Variants in NFATC3 observed in about 807,000 individuals in gnomAD.
NFATC3 encodes the protein nuclear factor of activated T cells 3, also known as nuclear factor of activated T-cells, cytoplasmic 3.
Under a neutral mutation model 98.6 loss-of-function variants are expected in NFATC3, and 46 were observed. The ratio of observed to expected loss-of-function variants is 0.47; its 90% confidence interval spans 0.37 to 0.60. The LOEUF is 0.60. Among genes scored for constraint, NFATC3 ranks in the 20% least tolerant of loss-of-function variants. NFATC3 has a pLI of 0.00. For synonymous variants in NFATC3, 512 were observed against 472.2 expected (o/e 1.08, Z -1.09); for missense variants, 1,256 against 1,295.5 (o/e 0.97, Z 0.47).
chr16:68,142,348 A>C (rs575168866), intron 3 of NFATC3, among the ~76,000 whole-genome samples: 1 of 152,246 alleles, frequency 6.6e-6, no homozygotes, highest in South Asian at 2.1e-4. Flanking sequence ...CTATTGTAAA[A>C]GGGATTGAGT....
At chr16:68,135,457 C>CAAA (rs60331468) in intron 3 of NFATC3, among the ~76,000 whole-genome samples, 2 of 78,722 alleles carry the variant, frequency 2.5e-5, no homozygotes, top group Non-Finnish European at 4.8e-5. Context: ...GACTCCGTCT[C>CAAA]AAAAAAAAAA....
chr16:68,215,870 A>C (rs928171927), intron 9 of NFATC3, among the ~76,000 whole-genome samples: 3 of 151,630 alleles, frequency 2.0e-5, no homozygotes, highest in Non-Finnish European at 4.4e-5. Flanking sequence ...TGGGACTACA[A>C]GGCGCCTGCC....
intron 5 of NFATC3, among the ~76,000 whole-genome samples, chr16:68,167,810 C>CTTTTTTATTTTTTTTTTTTTT (rs2039271888): frequency 4.2e-5 from 1 of 23,898 alleles, no homozygotes; most frequent in African/African-American, 9.5e-5. Flanking sequence ...CGTATGTGTT[C>CTTTTTTATTTTTTTTTTTTTT]TTTTTTTTTT....
At chr16:68,123,986 AC>A (rs1179184561) in intron 2 of NFATC3, among the ~76,000 whole-genome samples, 2 of 150,692 alleles carry the variant, frequency 1.3e-5, no homozygotes, top group South Asian at 2.1e-4. Context: ...TGTCTGCACC[AC>A]CCCCCTACAA....
At chr16:68,103,290 C>A (rs1328440207) in intron 1 of NFATC3, among the ~76,000 whole-genome samples, 2 of 152,024 alleles carry the variant, frequency 1.3e-5, no homozygotes, top group Non-Finnish European at 2.9e-5. Context: ...TGGCAGGCAG[C>A]CTTGACCTCC....
At chr16:68,128,629 AT>A (rs1239382961) in intron 3 of NFATC3, among the ~76,000 whole-genome samples, 7 of 152,172 alleles carry the variant, frequency 4.6e-5, no homozygotes, top group Non-Finnish European at 7.3e-5. Flanking sequence ...ATTAAAAAAA[AT>A]AATTTTAAAA....
At chr16:68,156,556 A>G (rs1168180624) in intron 3 of NFATC3, among the ~76,000 whole-genome samples, 5 of 152,210 alleles carry the variant, frequency 3.3e-5, no homozygotes, top group African/African-American at 1.2e-4. Flanking sequence ...AATTTACTAC[A>G]TTAGTAGAAT....
In NFATC3 at chr16:68,126,985, C is replaced by A. The variant is rs575050836; in HGVS notation, c.1401+375C>A. 5.9e-5 allele frequency among the ~76,000 whole-genome samples: 9 copies of A among 152,246 alleles called. No individual in the cohort carries two copies. In the South Asian group the frequency reaches 1.9e-3, roughly 32 times the overall value. ...ATCCCAGCACTTGGGGAGGCCGAGG[C>A]AGGTGGATCACTAGCTCAGGAGTTC... On this transcript the variant is annotated intron_variant, in intron 3 of 9. Transcript: ENST00000346183.
chr16:68,116,256 T>C (rs2036273064), intron 1 of NFATC3, among the ~76,000 whole-genome samples: 1 of 152,008 alleles, frequency 6.6e-6, no homozygotes, highest in African/African-American at 2.4e-5. Flanking sequence ...AGACAAACTA[T>C]TATCTGTAGG....
rs556375146 is a variant in NFATC3, at chr16:68,154,739, G to A, written c.1402-3130G>A. 1.3e-4 allele frequency among the ~76,000 whole-genome samples: 20 copies of A among 152,358 alleles called. No individual in the cohort carries two copies. The South Asian group carries it at 3.7e-3, about 28-fold the overall frequency. On this transcript the variant is annotated intron_variant, in intron 3 of 9. Transcript: ENST00000346183. ...GCCCTGACATTAGGAGTGAGCTTGA[G>A]TGGTTCATGCAATAAGGCCAGCAAG...
chr16:68,172,532 C>T (rs142270245), intron 5 of NFATC3, among the ~76,000 whole-genome samples: 1,699 of 152,130 alleles, frequency 0.011, 10 homozygotes, highest in Middle Eastern at 0.024. Context: ...GAGGCCTAGG[C>T]AGGAGTACTG....
At chr16:68,135,713 T>G (rs1304832442) in intron 3 of NFATC3, among the ~76,000 whole-genome samples, 1 of 152,172 alleles carries the variant, frequency 6.6e-6, no homozygotes, top group Non-Finnish European at 1.5e-5. Flanking sequence ...TCTGAATTTT[T>G]TTAGATGATT....
chr16:68,174,065 T>G (rs2039585844), intron 5 of NFATC3, among the ~76,000 whole-genome samples: 1 of 152,192 alleles, frequency 6.6e-6, no homozygotes, highest in Non-Finnish European at 1.5e-5. Context: ...GAGCATCACT[T>G]GAGCCCAGGA....
At chr16:68,206,063 A>C (rs902847461) in intron 9 of NFATC3, among the ~76,000 whole-genome samples, 1 of 152,082 alleles carries the variant, frequency 6.6e-6, no homozygotes, top group African/African-American at 2.4e-5. Flanking sequence ...TGATTTATAG[A>C]AGCCCTTTGT....
At chr16:68,137,214 A>C (rs1228595315) in intron 3 of NFATC3, among the ~76,000 whole-genome samples, 10 of 152,090 alleles carry the variant, frequency 6.6e-5, no homozygotes, top group Admixed American at 6.5e-4. Flanking sequence ...AAGATATTTT[A>C]TTTCTTTATA....
At chr16:68,133,744 G>T in intron 3 of NFATC3, among the ~76,000 whole-genome samples, 1 of 151,868 alleles carries the variant, frequency 6.6e-6, no homozygotes, top group African/African-American at 2.4e-5. Context: ...TCAAATTTTT[G>T]TTGTTTATTT....
At chr16:68,092,841 A>G (rs1170097246) in intron 1 of NFATC3, among the ~76,000 whole-genome samples, 1 of 152,200 alleles carries the variant, frequency 6.6e-6, no homozygotes, top group Non-Finnish European at 1.5e-5. Flanking sequence ...GCTTATTGCT[A>G]TCCTTTTATT....
intron 9 of NFATC3, among the ~76,000 whole-genome samples, chr16:68,204,720 T>C (rs961075088): frequency 6.6e-6 from 1 of 152,250 alleles, no homozygotes; most frequent in Non-Finnish European, 1.5e-5. Flanking sequence ...ATGTGTAAGA[T>C]AGCAAAACCT....
At chr16:68,088,518 T>TATA (rs2034525706) in intron 1 of NFATC3, among the ~76,000 whole-genome samples, 1 of 127,408 alleles carries the variant, frequency 7.8e-6, no homozygotes, top group African/African-American at 3.3e-5. Flanking sequence ...TATATAATGT[T>TATA]TATTATATAT....
Sources: allele counts gnomAD v4.1 joint callset (sites outside exome capture counted in the v4.1 genomes callset), GRCh38; gene constraint gnomAD v4.1.1; transcripts MANE v1.5; gene names NCBI Gene and HGNC (gene_info 2026-07-23, HGNC 2026-07-21).